DCAF6: variants seen among roughly 807,000 people sequenced by gnomAD.
DCAF6 encodes the protein DDB1 and CUL4 associated factor 6.
In DCAF6, 54 loss-of-function variants were observed where a neutral mutation model predicts 125.1. That is an observed-to-expected ratio of 0.43 (90% CI 0.35 to 0.54). The LOEUF (loss-of-function observed/expected upper bound fraction) is 0.54. DCAF6 is among the 20% of genes least tolerant of loss of function. The pLI is 0.01. For missense variants in DCAF6, 934 were observed against 1,161.7 expected (o/e 0.80, Z 2.85); for synonymous variants, 371 against 390.4 (o/e 0.95, Z 0.58).
At chr1:168,068,551 A>G (rs1692634165) in intron 21 of DCAF6, 88 bp downstream of exon 21, 1 of 620,746 alleles carries the variant, frequency 1.6e-6, no homozygotes. Context: ...GTTTATATAT[A>G]TTTTTTAATA....
intron 12 of DCAF6, among the ~76,000 whole-genome samples, chr1:168,024,777 C>T (rs556047990): frequency 2.0e-5 from 3 of 148,638 alleles, no homozygotes; most frequent in Non-Finnish European, 4.4e-5. Flanking sequence ...GCACTCCAGC[C>T]TGGGCAGCAG....
the DCAF6 span, among the ~76,000 whole-genome samples, chr1:167,925,024 G>A: frequency 6.6e-6 from 1 of 152,084 alleles, no homozygotes; most frequent in Non-Finnish European, 1.5e-5. Flanking sequence ...TGCTTAGTAT[G>A]CAGGTTTTGA....
chr1:167,898,607 T>TA, the DCAF6 span, among the ~76,000 whole-genome samples: 98 of 94,928 alleles, frequency 1.0e-3, no homozygotes, highest in Non-Finnish European at 1.8e-3. Context: ...TTTTTTTTTT[T>TA]AAAAAAAGAA....
rs150627306 is a variant in DCAF6 at position 168,037,246 on chromosome 1, A to G, written c.1610-1125A>G. 2.3e-3 allele frequency among the ~76,000 whole-genome samples: 353 copies of G among 152,196 alleles called. 2 individuals carry two copies. Among genetic ancestry groups the G allele is most frequent in the African/African-American group, 8.2e-3 (341 of 41,524 alleles). ...CTTCAAGAGGAATGAAAAAAGATAT[A>G]AGTCCTTCATTGCAATAGAAAGTAG... On this transcript the variant is annotated intron_variant, in intron 12 of 21. Transcript: ENST00000367840.
chr1:168,057,018 A>G (rs2101907248), intron 17 of DCAF6, among the ~76,000 whole-genome samples: 1 of 152,296 alleles, frequency 6.6e-6, no homozygotes, highest in Non-Finnish European at 1.5e-5. Flanking sequence ...TCCTTTATAT[A>G]ATAACCTTGT....
chr1:167,995,012 G>C (rs567505198), intron 7 of DCAF6, among the ~76,000 whole-genome samples: 60 of 152,240 alleles, frequency 3.9e-4, no homozygotes, highest in Non-Finnish European at 1.6e-4. Flanking sequence ...TCCTTGCAGT[G>C]TATTTATTTG....
At chr1:167,989,475 T>G (rs757431513) in intron 5 of DCAF6, among the ~76,000 whole-genome samples, 2 of 152,222 alleles carry the variant, frequency 1.3e-5, no homozygotes, top group Admixed American at 6.5e-5. Context: ...GAGTAATCCT[T>G]AACTACTAAA....
intron 21 of DCAF6, among the ~76,000 whole-genome samples, chr1:168,072,324 A>G (rs913486967): frequency 2.2e-4 from 26 of 117,094 alleles, no homozygotes; most frequent in Admixed American, 5.4e-4. Context: ...AAAAAAAAAA[A>G]AGAAAAGAAA....
chr1:167,897,997 CAAAAAAAAAAAAA>C, the DCAF6 span, among the ~76,000 whole-genome samples: 3 of 17,390 alleles, frequency 1.7e-4, no homozygotes, highest in Admixed American at 2.2e-3. Context: ...GACTCTGTCT[CAAAAAAAAAAAAA>C]AAAAAAAAAA....
rs149937051 is a variant in DCAF6 at position 168,043,054 on chromosome 1, T to C, written c.1757T>C (p.Ile586Thr). 95 of 1,612,744 alleles carry C rather than the reference T, an allele frequency of 5.9e-5. No individual in the cohort carries two copies. The Admixed American group carries it at 1.0e-3, about 17-fold the overall frequency. Residue 586 changes from isoleucine to threonine, a missense_variant, in exon 14 of 22, where the codon ATT becomes ACT. Coordinates refer to ENST00000367840, the MANE Select transcript of DCAF6 (RefSeq NM_001198956.2). Reference protein sequence around the residue: ...WSSIASSSRGIGSHCKSEGQE... With the variant: ...WSSIASSSRGTGSHCKSEGQE... Reference sequence around the variant, plus strand: ...AGTATAGCATCAAGTTCTAGAGGAATTGGGAGCCATTGCAAATCTGAGGGT... The same window carrying C: ...AGTATAGCATCAAGTTCTAGAGGAACTGGGAGCCATTGCAAATCTGAGGGT...
the DCAF6 span, among the ~76,000 whole-genome samples, chr1:167,884,038 C>T: frequency 4.9e-3 from 741 of 152,256 alleles, 7 homozygotes; most frequent in African/African-American, 0.016. Context: ...GCATGCAATG[C>T]GTAATAATCA....
chr1:167,984,041 A>G (rs1679585830), intron 4 of DCAF6, among the ~76,000 whole-genome samples: 1 of 152,196 alleles, frequency 6.6e-6, no homozygotes, highest in Non-Finnish European at 1.5e-5. Flanking sequence ...CTGTTGACTT[A>G]GGGAAAATAC....
the DCAF6 span, among the ~76,000 whole-genome samples, chr1:167,891,655 C>CAAA: frequency 2.1e-3 from 228 of 107,682 alleles, 2 homozygotes; most frequent in African/African-American, 7.2e-3. Flanking sequence ...GACTCTGTCT[C>CAAA]AAAAAAAAAA....
chr1:167,974,013 T>G (rs1016004374), intron 3 of DCAF6, among the ~76,000 whole-genome samples: 7 of 152,116 alleles, frequency 4.6e-5, no homozygotes, highest in African/African-American at 1.7e-4. Context: ...TGTTTAAGAG[T>G]CTGTTTTCAC....
At chr1:167,946,860 G>A (rs565647740) in intron 1 of DCAF6, among the ~76,000 whole-genome samples, 14 of 152,070 alleles carry the variant, frequency 9.2e-5, no homozygotes, top group Admixed American at 2.0e-4. Flanking sequence ...TCCTTCTTTG[G>A]TTTTGTTATC....
chr1:167,907,432 T>C, the DCAF6 span, among the ~76,000 whole-genome samples: 1 of 152,212 alleles, frequency 6.6e-6, no homozygotes, highest in African/African-American at 2.4e-5. Flanking sequence ...TGCCTTCACT[T>C]TGGGACCCAA....
intron 12 of DCAF6, among the ~76,000 whole-genome samples, chr1:168,033,494 T>A (rs1687402677): frequency 6.6e-6 from 1 of 151,990 alleles, no homozygotes; most frequent in Non-Finnish European, 1.5e-5. Context: ...TTTTTGTATT[T>A]TTTTAGTAGA....
Position 167,974,972 on chromosome 1 carries a change from A to G in DCAF6, c.395A>G (p.Asn132Ser). ...AACGTTGAGCAAGATGCAGAAACCA[A>G]CAGACAATGCCAATTTACGTGTCAT... Reference protein sequence around the residue: ...YTNVEQDAETNRQCQFTCHYG... With the variant: ...YTNVEQDAETSRQCQFTCHYG... The change falls in exon 4 of 22, where the codon AAC (asparagine) becomes AGC (serine). Residue 132 changes from asparagine to serine, a missense_variant. By Grantham distance (46) the Asn-to-Ser change is conservative. Transcript: ENST00000367840. The G allele has an allele frequency of 1.2e-6, 2 of 1,607,422 alleles. No individual in the cohort carries two copies. The highest frequency in any genetic ancestry group is 1.7e-6 in the Non-Finnish European group (2 of 1,177,336).
At position 168,044,684 on chromosome 1, in the gene DCAF6, C is replaced by A. The variant is rs755937819; in HGVS notation, c.1930+13C>A. 1.9e-6 allele frequency: 3 copies of A among 1,591,998 alleles called. No individual in the cohort carries two copies. The East Asian group carries it at 6.7e-5, about 36-fold the overall frequency. ...CATATCAATATAAGTGAGTTGCTCC[C>A]TTTAGATAATTGCTTTGTATGGGAA... On this transcript the variant is annotated intron_variant, in intron 15 of 21. Transcript: ENST00000367840.
Sources: gnomAD v4.1 joint callset for allele counts (sites outside exome capture counted in the v4.1 genomes callset) on GRCh38, gnomAD v4.1.1 for gene constraint, MANE v1.5 for transcripts, NCBI Gene and HGNC (gene_info 2026-07-23, HGNC 2026-07-21) for gene names.